BBS9: variants seen among roughly 807,000 people sequenced by gnomAD.
The protein encoded by BBS9 is Bardet-Biedl syndrome 9.
A neutral mutation model predicts 117.7 loss-of-function variants in BBS9; 89 were observed. That is an observed-to-expected ratio of 0.76 (90% CI 0.64 to 0.90). The LOEUF is 0.90. Among genes scored for constraint, BBS9 ranks in the 40% least tolerant of loss-of-function variants. BBS9 has a pLI of 0.00. For synonymous variants in BBS9, 379 were observed against 370.9 expected (o/e 1.02, Z -0.25); for missense variants, 982 against 1,042.2 (o/e 0.94, Z 0.80).
Position 33,574,726 on chromosome 7 carries a change from C to CACACACACACAT in BBS9, c.2522-30139_2522-30138insACACACACACAT, listed in dbSNP as rs759591866. Among the ~76,000 whole-genome samples the CACACACACACAT allele has an allele frequency of 9.3e-5, 12 of 129,582 alleles. No homozygotes were observed. In the South Asian group the frequency reaches 2.8e-3, roughly 31 times the overall value. The allele number at this position is 129,582 out of a possible 152,430, so 85.0% of individuals were successfully genotyped here. On this transcript the variant is annotated intron_variant, in intron 21 of 22. Transcript: ENST00000242067. ...ACACACACACACACACACACACACACGCGCACACACACACACTTTCACTAT... is the reference window on the plus strand; with the variant it reads ...ACACACACACACACACACACACACACACACACACACATGCGCACACACACACACTTTCACTAT...
intron 9 of BBS9, among the ~76,000 whole-genome samples, chr7:33,305,973 A>C (rs368319450): frequency 6.6e-6 from 1 of 151,864 alleles, no homozygotes; most frequent in African/African-American, 2.4e-5. Flanking sequence ...TTGCTTTTGT[A>C]GTTCTTTAAA....
chr7:33,258,255 C>CT (rs1285200404), intron 6 of BBS9, among the ~76,000 whole-genome samples: 1 of 152,162 alleles, frequency 6.6e-6, no homozygotes, highest in African/African-American at 2.4e-5. Context: ...ATCATCATGG[C>CT]TTTTCAACAT....
chr7:33,216,966 A>C (rs1789191613), intron 5 of BBS9, among the ~76,000 whole-genome samples: 1 of 152,046 alleles, frequency 6.6e-6, no homozygotes, highest in African/African-American at 2.4e-5. Flanking sequence ...GTGGTGGCGC[A>C]CACCTGTAAT....
At chr7:33,551,455 T>A (rs1211531472) in intron 21 of BBS9, among the ~76,000 whole-genome samples, 2 of 152,206 alleles carry the variant, frequency 1.3e-5, no homozygotes, top group African/African-American at 4.8e-5. Flanking sequence ...AGACACCAGA[T>A]TGTGATCTTT....
rs1236931499 is a variant in BBS9, at chr7:33,366,543, C to T, written c.1694-1224C>T. 1.5e-3 allele frequency among the ~76,000 whole-genome samples: 137 copies of T among 89,532 alleles called. No homozygotes were observed. The Middle Eastern group carries it at 0.025, about 16-fold the overall frequency. 58.7% of individuals were successfully genotyped at this position (89,532 alleles called of 152,430 possible). A position where few individuals can be genotyped will look rare whatever the true frequency, so the allele number is the denominator to read the frequency against. ...GTTTCTTTTTTTTTTTCTTTTCTTT[C>T]TTTTTTTTTTTTTTTTTTTGAGATG... On this transcript the variant is annotated intron_variant, in intron 16 of 22. Coordinates refer to ENST00000242067, the MANE Select transcript of BBS9 (RefSeq NM_198428.3).
At chr7:33,231,785 A>T (rs1421796089) in intron 5 of BBS9, among the ~76,000 whole-genome samples, 1 of 152,120 alleles carries the variant, frequency 6.6e-6, no homozygotes, top group East Asian at 1.9e-4. Flanking sequence ...ATTGAAACAT[A>T]AGAGTTTCTT....
intron 5 of BBS9, among the ~76,000 whole-genome samples, chr7:33,191,245 A>C (rs560380069): frequency 6.6e-6 from 1 of 152,332 alleles, no homozygotes; most frequent in South Asian, 2.1e-4. Context: ...CAGGGTATGC[A>C]AAACAGGCTG....
intron 17 of BBS9, among the ~76,000 whole-genome samples, chr7:33,369,706 T>G (rs1822499105): frequency 6.6e-6 from 1 of 152,168 alleles, no homozygotes; most frequent in Non-Finnish European, 1.5e-5. Flanking sequence ...TGTACTTTTC[T>G]GAGATTGAGG....
intron 1 of BBS9, among the ~76,000 whole-genome samples, chr7:33,131,238 A>G (rs1464291677): frequency 6.6e-6 from 1 of 152,088 alleles, no homozygotes; most frequent in Non-Finnish European, 1.5e-5. Context: ...CACTGTTTCT[A>G]CTGTTGGGTT....
intron 19 of BBS9, among the ~76,000 whole-genome samples, chr7:33,491,806 A>C (rs915181398): frequency 6.6e-6 from 1 of 152,202 alleles, no homozygotes; most frequent in African/African-American, 2.4e-5. Flanking sequence ...GAGGTACTGA[A>C]ATTATTGGGA....
chr7:33,354,076 C>T (rs1819192118), intron 15 of BBS9, among the ~76,000 whole-genome samples: 1 of 152,008 alleles, frequency 6.6e-6, no homozygotes, highest in African/African-American at 2.4e-5. Context: ...ACTGTAAATT[C>T]AGCCCAAACT....
intron 1 of BBS9, among the ~76,000 whole-genome samples, chr7:33,130,811 T>C (rs1288577875): frequency 1.3e-5 from 2 of 152,200 alleles, no homozygotes; most frequent in Non-Finnish European, 2.9e-5. Flanking sequence ...AAGTTACAAG[T>C]TATTTGTCAG....
chr7:33,408,537 G>C, intron 19 of BBS9, among the ~76,000 whole-genome samples: 1 of 152,218 alleles, frequency 6.6e-6, no homozygotes, highest in Middle Eastern at 3.4e-3. Flanking sequence ...CGTCGCTCAC[G>C]CTGGGAGCTG....
At chr7:33,602,223 G>A (rs1031516526) in intron 21 of BBS9, among the ~76,000 whole-genome samples, 5 of 141,644 alleles carry the variant, frequency 3.5e-5, no homozygotes, top group South Asian at 2.3e-4. Context: ...CCTTTTTTTC[G>A]AGGCCTACAG....
rs201173070 is a variant in BBS9 at position 33,143,573 on chromosome 7, TG to T, written c.-11-2668del. ...TCCTTGGCCATTTGTATATCTTTTT[TG>T]TTGTTGTTTGAGACAGAGCCTCACT... On this transcript the variant is annotated intron_variant, in intron 1 of 22. Coordinates refer to ENST00000242067, the MANE Select transcript of BBS9 (RefSeq NM_198428.3). Among the ~76,000 whole-genome samples the T allele has an allele frequency of 2.0e-5, 3 of 152,066 alleles. No homozygotes were observed. The East Asian group carries it at 5.8e-4, about 29-fold the overall frequency.
intron 21 of BBS9, among the ~76,000 whole-genome samples, chr7:33,599,976 T>C (rs981965397): frequency 3.9e-5 from 6 of 152,142 alleles, no homozygotes; most frequent in Non-Finnish European, 7.3e-5. Flanking sequence ...AGTCACTAGA[T>C]GTATGACTAG....
rs1865127441 is a variant in BBS9 at position 33,616,303 on chromosome 7, CAA to C, written c.2522-18873_2522-18872del. ...AGTGAAATGAATGACAACAATGATA[CAA>C]GAGATGGGATGGAAGAATTAGGATT... On this transcript the variant is annotated intron_variant, in intron 21 of 21. Coordinates refer to the BBS9 transcript ENST00000671952. Among the ~76,000 whole-genome samples, 3 of 150,454 alleles carry C rather than the reference CAA, an allele frequency of 2.0e-5. No homozygotes were observed. In the South Asian group the frequency reaches 6.3e-4, roughly 31 times the overall value.
chr7:33,327,892 G>T (rs1284044793), intron 9 of BBS9, among the ~76,000 whole-genome samples: 2 of 152,188 alleles, frequency 1.3e-5, no homozygotes, highest in East Asian at 3.8e-4. Context: ...GCAGCTTAAA[G>T]AATGGAGTTA....
At chr7:33,176,814 G>C (rs980018553) in intron 4 of BBS9, among the ~76,000 whole-genome samples, 1 of 151,986 alleles carries the variant, frequency 6.6e-6, no homozygotes, top group Non-Finnish European at 1.5e-5. Context: ...TAATCATAAT[G>C]TTCTTGCTCT....
Sources: gnomAD v4.1 joint callset for allele counts (sites outside exome capture counted in the v4.1 genomes callset) on GRCh38, gnomAD v4.1.1 for gene constraint, MANE v1.5 for transcripts, NCBI Gene and HGNC (gene_info 2026-07-23, HGNC 2026-07-21) for gene names.